Variants in HOXD3 observed in about 807,000 individuals in gnomAD.
HOXD3 encodes the protein homeobox protein Hox-D3.
In HOXD3, 13 loss-of-function variants were observed where a neutral mutation model predicts 32.8. That is an observed-to-expected ratio of 0.40 (90% CI 0.26 to 0.63). HOXD3 has a LOEUF of 0.63. Among genes scored for constraint, HOXD3 ranks in the 20% least tolerant of loss-of-function variants. The pLI is 0.44. For missense variants in HOXD3, 504 were observed against 577.1 expected (o/e 0.87, Z 1.30); for synonymous variants, 241 against 246.8 (o/e 0.98, Z 0.22).
upstream of HOXD3, chr2:176,153,249 C>T (rs1038149621): frequency 7.3e-6 from 3 of 408,688 alleles, no homozygotes; most frequent in African/African-American, 4.0e-5. Flanking sequence ...TTTGAATTTG[C>T]AAATGAAGGT....
upstream of HOXD3, chr2:176,152,540 G>T: frequency 7.4e-7 from 1 of 1,348,494 alleles, no homozygotes. The surrounding 1 kb of genome is among the most constrained non-coding windows in gnomAD (Gnocchi z 5.2). Context: ...GGAAGTGAGC[G>T]GCGGAGGCGA....
At chr2:176,152,910 A>G (rs572681628), upstream of HOXD3, 2 of 1,614,194 alleles carry the variant, frequency 1.2e-6, no homozygotes, top group East Asian at 2.2e-5. The surrounding 1 kb of genome is among the most constrained non-coding windows in gnomAD (Gnocchi z 5.2). Context: ...GCCGATGGCC[A>G]AAGACCACCA....
chr2:176,169,733 T>G, intron 3 of HOXD3, 78 bp downstream of exon 3: 2 of 1,500,478 alleles, frequency 1.3e-6, no homozygotes, highest in East Asian at 4.6e-5. Flanking sequence ...GGGCTGGAAA[T>G]GCAACCTTGG....
At position 176,171,964 on chromosome 2, in the gene HOXD3, C is replaced by T. The variant is rs748577975; in HGVS notation, c.989C>T (p.Ala330Val). The stretch of plus-strand genomic sequence containing the variant: ...TGCCTGCCACAACAGAAGCGCTACG[C>T]AGCGCCGGAGTTCGAGCCCCATCCC... ...SSCLPQQKRY[A>V]APEFEPHPMA... Residue 330 changes from alanine (A) to valine (V), a missense_variant, in exon 4 of 4, where the codon GCA (alanine) becomes GTA (valine). Around this residue, in one of 3 missense-constraint regions of HOXD3, gnomAD observed 226 missense variants for 246.9 expected, o/e 0.92. Coordinates refer to ENST00000683222, the MANE Select transcript of HOXD3 (RefSeq NM_006898.5). 1 of 1,610,774 alleles carries T rather than the reference C, an allele frequency of 6.2e-7. No homozygotes were observed. The highest frequency in any genetic ancestry group is 8.5e-7 in the Non-Finnish European group (1 of 1,179,482).
rs575869362 is a variant in HOXD3, at chr2:176,172,148, C to G, written c.1173C>G (p.Cys391Trp). 3.2e-5 allele frequency: 52 copies of G among 1,613,176 alleles called. No individual in the cohort carries two copies. The South Asian group carries it at 5.2e-4, about 16-fold the overall frequency. ...CGTCGGCCAGCGTGGACTACAGTTG[C>G]GCCGCGCAGATTCCAGGCAACCACC... is the stretch of plus-strand genomic sequence containing the variant. ...HPSSASVDYS[C>W]AAQIPGNHHH... Residue 391 changes from cysteine (C) to tryptophan (W), a missense_variant, in exon 4 of 4, where the codon TGC (cysteine) becomes TGG (tryptophan). Cys to Trp is a radical substitution (Grantham distance 215). This residue lies in a region of HOXD3 where 226 missense variants were observed against 246.9 expected (regional missense o/e 0.92). Coordinates refer to ENST00000683222, the MANE Select transcript of HOXD3 (RefSeq NM_006898.5).
At position 176,158,282 on chromosome 2, in the gene HOXD3, C is replaced by A. The variant is rs145919033; in HGVS notation, c.-181+830C>A. Among the ~76,000 whole-genome samples, 1,438 of 152,324 alleles carry A rather than the reference C, an allele frequency of 9.4e-3. 23 individuals are homozygous for A. The highest frequency in any genetic ancestry group is 0.038 in the South Asian group (185 of 4,826). On this transcript the variant is annotated intron_variant, in intron 1 of 3. Transcript: ENST00000683222. Reference sequence around the variant, plus strand: ...AAGGAGGATGGGGGAGAGGCCAGTGCGGGCTGCAGAAGGCTGTTTCTCTGC... The same window carrying A: ...AAGGAGGATGGGGGAGAGGCCAGTGAGGGCTGCAGAAGGCTGTTTCTCTGC...
At chr2:176,156,008 A>C (rs528759573), upstream of HOXD3, among the ~76,000 whole-genome samples, 3 of 152,322 alleles carry the variant, frequency 2.0e-5, no homozygotes, top group South Asian at 6.2e-4. Context: ...TATTTATACT[A>C]ATTGTTGCTT....
Position 176,172,148 on chromosome 2 carries a change from C to T in HOXD3, c.1173C>T (p.Cys391=). 4 of 1,613,176 alleles carry T rather than the reference C, an allele frequency of 2.5e-6. No individual in the cohort carries two copies. Among genetic ancestry groups the T allele is most frequent in the South Asian group, 2.2e-5 (2 of 91,092 alleles). ...HPSSASVDYS[C]AAQIPGNHHH... is the part of the protein sequence containing the mutation. ...CGTCGGCCAGCGTGGACTACAGTTGCGCCGCGCAGATTCCAGGCAACCACC... is the reference window on the plus strand; with the variant it reads ...CGTCGGCCAGCGTGGACTACAGTTGTGCCGCGCAGATTCCAGGCAACCACC... The change falls in exon 4 of 4, where the codon TGC becomes TGT. Residue 391 remains cysteine (C), a synonymous_variant. Transcript: ENST00000683222.
Position 176,171,732 on chromosome 2 carries a change from C to G in HOXD3, c.757C>G (p.Gln253Glu), listed in dbSNP as rs1559142420. Residue 253 changes from glutamine (Q) to glutamate (E), a missense_variant, in exon 4 of 4, where the codon CAG becomes GAG. Physicochemically the swap from Gln to Glu is conservative, Grantham distance 29. Around this residue, in one of 3 missense-constraint regions of HOXD3, gnomAD observed 97 missense variants for 158.0 expected, o/e 0.61. Transcript: ENST00000683222. ...CCGGCGCATGAAGTACAAGAAGGAC[C>G]AGAAGGCCAAGGGCATCCTGCACTC... ...QNRRMKYKKD[Q>E]KAKGILHSPA... 1 of 1,614,126 alleles carries G rather than the reference C, an allele frequency of 6.2e-7. No homozygotes were observed.
At chr2:176,163,841 C>T (rs888920212) in intron 1 of HOXD3, among the ~76,000 whole-genome samples, 56 of 152,160 alleles carry the variant, frequency 3.7e-4, no homozygotes, top group African/African-American at 1.4e-3. Flanking sequence ...CCCTCACGTC[C>T]GGGCTCTCCC....
upstream of HOXD3, chr2:176,152,801 G>C (rs751346077): frequency 6.2e-7 from 1 of 1,614,144 alleles, no homozygotes; most frequent in South Asian, 1.1e-5. The surrounding 1 kb of genome is among the most constrained non-coding windows in gnomAD (Gnocchi z 5.2). Flanking sequence ...GGATGAAGTG[G>C]AAAAAAGATC....
In HOXD3 at chr2:176,160,559, C is replaced by T. The variant is rs1690769439; in HGVS notation, c.-181+3107C>T. 3.9e-5 allele frequency among the ~76,000 whole-genome samples: 6 copies of T among 152,224 alleles called. No homozygotes were observed. The South Asian group carries it at 1.2e-3, about 31-fold the overall frequency. On this transcript the variant is annotated intron_variant, in intron 1 of 3. Coordinates refer to ENST00000683222, the MANE Select transcript of HOXD3 (RefSeq NM_006898.5). ...TTGGCTGCGCTCCGGGACTGGGTGG[C>T]GTGAAAGTTTCAGCCTCAATCAGTA...
At position 176,171,536 on chromosome 2, in the gene HOXD3, G is replaced by C; in HGVS notation, c.561G>C (p.Lys187Asn). 1 of 1,592,554 alleles carries C rather than the reference G, an allele frequency of 6.3e-7. No homozygotes were observed. Among genetic ancestry groups the C allele is most frequent in the South Asian group, 1.2e-5 (1 of 86,182 alleles). ...CATAGESCED[K>N]SPPGPASKRV... Reference sequence around the variant, plus strand: ...GCCCAGGAGAGAGCTGCGAGGACAAGAGCCCGCCAGGCCCAGCATCCAAGC... The same window carrying C: ...GCCCAGGAGAGAGCTGCGAGGACAACAGCCCGCCAGGCCCAGCATCCAAGC... Residue 187 changes from lysine to asparagine, a missense_variant, in exon 4 of 4, where the codon AAG (lysine) becomes AAC (asparagine). This residue lies in a region of HOXD3 where 97 missense variants were observed against 158.0 expected (regional missense o/e 0.61). Transcript: ENST00000683222.
intron 1 of HOXD3, among the ~76,000 whole-genome samples, chr2:176,159,931 G>A (rs1248293852): frequency 1.3e-5 from 2 of 152,244 alleles, no homozygotes; most frequent in Non-Finnish European, 2.9e-5. Context: ...AGGCCTCGAA[G>A]GACCAGGTTG....
chr2:176,163,346 G>T (rs1690865291), intron 1 of HOXD3, among the ~76,000 whole-genome samples: 1 of 151,860 alleles, frequency 6.6e-6, no homozygotes, highest in African/African-American at 2.4e-5. Context: ...CACCTGACGG[G>T]GGGTGGTCAC....
intron 1 of HOXD3, among the ~76,000 whole-genome samples, chr2:176,162,798 G>A (rs913164076): frequency 1.3e-5 from 2 of 152,210 alleles, no homozygotes; most frequent in East Asian, 3.9e-4. Context: ...TGGCGGCCCC[G>A]GGTGACCTCC....
chr2:176,163,252 C>T (rs926857904), intron 1 of HOXD3, among the ~76,000 whole-genome samples: 2 of 152,124 alleles, frequency 1.3e-5, no homozygotes, highest in African/African-American at 2.4e-5. Flanking sequence ...GAGGCTTTCC[C>T]GGGTGTAGTT....
intron 3 of HOXD3, 71 bp downstream of exon 3, chr2:176,169,726 C>T (rs1367364608): frequency 1.3e-6 from 2 of 1,508,174 alleles, no homozygotes; most frequent in African/African-American, 1.4e-5. Context: ...CTAGTCAGGG[C>T]TGGAAATGCA....
In HOXD3 at chr2:176,171,381, C is replaced by T. The variant is rs1466038175; in HGVS notation, c.542-136C>T. 5 of 795,140 alleles carry T rather than the reference C, an allele frequency of 6.3e-6. No homozygotes were observed. In the East Asian group the frequency reaches 1.1e-4, roughly 17 times the overall value. 49.3% of individuals were successfully genotyped at this position (795,140 alleles called of 1,614,324 possible). On this transcript the variant is annotated intron_variant, in intron 3 of 3. Coordinates refer to ENST00000683222, the MANE Select transcript of HOXD3 (RefSeq NM_006898.5). ...CCCCCTTGGAATCATACCTCTCAAA[C>T]GGCCCTTCCCCTCCCCAGCCAGGAT...
Sources: gnomAD v4.1 joint callset for allele counts (sites outside exome capture counted in the v4.1 genomes callset) on GRCh38, gnomAD v4.1.1 for gene constraint, gnomAD v4.1.1 regional missense constraint, Gnocchi (gnomAD v3.1) non-coding constraint, MANE v1.5 for transcripts, NCBI Gene and HGNC (gene_info 2026-07-23, HGNC 2026-07-21) for gene names.